EFNA1: variants seen among roughly 807,000 people sequenced by gnomAD.
EFNA1 encodes the protein ephrin-A1.
In EFNA1, 8 loss-of-function variants were observed where a neutral mutation model predicts 23.2. That is an observed-to-expected ratio of 0.34 (90% CI 0.20 to 0.62). The LOEUF is 0.62. EFNA1 is among the 20% of genes least tolerant of loss of function. EFNA1 has a pLI of 0.75. For synonymous variants in EFNA1, 89 were observed against 98.6 expected, an observed-to-expected ratio of 0.90 and a Z score of 0.58; for missense variants, 217 against 260.0, an observed-to-expected ratio of 0.83 and a Z score of 1.14.
chr1:155,129,489 G>A (rs989966295), intron 1 of EFNA1: 1 of 152,866 alleles, frequency 6.5e-6, no homozygotes. Flanking sequence ...CCCCAGGAGA[G>A]GGGGCTGATG....
Position 155,127,998 on chromosome 1 carries a change from T to A in EFNA1, c.21T>A (p.Pro7=), listed in dbSNP as rs1301821055. The A allele has an allele frequency of 6.2e-7, 1 of 1,613,266 alleles. No individual in the cohort carries two copies. The highest frequency in any genetic ancestry group is 1.3e-5 in the African/African-American group (1 of 74,926). MEFLWA[P]LLGLCCSLAA... ...GCGCTATGGAGTTCCTCTGGGCCCC[T>A]CTCTTGGGTCTGTGCTGCAGTCTGG... Residue 7 remains proline (P), a synonymous_variant, in exon 1 of 5, where the codon CCT becomes CCA. Coordinates refer to ENST00000368407, the MANE Select transcript of EFNA1 (RefSeq NM_004428.3). This position sits in a 1 kb window ranked among gnomAD's most constrained non-coding sequence, Gnocchi z 4.4.
intron 1 of EFNA1, among the ~76,000 whole-genome samples, chr1:155,130,341 G>T (rs1664205592): frequency 6.6e-6 from 1 of 152,080 alleles, no homozygotes; most frequent in Non-Finnish European, 1.5e-5. Flanking sequence ...CCCCTACTGG[G>T]ACCCCACCCA....
In EFNA1 at chr1:155,128,082, AC is replaced by A. The variant is rs773484195; in HGVS notation, c.92+14del. On this transcript the variant is annotated intron_variant, in intron 1 of 4. Coordinates refer to ENST00000368407, the MANE Select transcript of EFNA1 (RefSeq NM_004428.3). ...GTTCAAATCCCAAGTAAGCCTCGAGACTCCCGCTGGCAGCCTGGGCTCCCGG... is the reference window on the plus strand; with the variant it reads ...GTTCAAATCCCAAGTAAGCCTCGAGATCCCGCTGGCAGCCTGGGCTCCCGG... 2 of 1,611,626 alleles carry A rather than the reference AC, an allele frequency of 1.2e-6. No individual in the cohort carries two copies. Among genetic ancestry groups the A allele is most frequent in the Admixed American group, 3.3e-5 (2 of 59,912 alleles).
intron 2 of EFNA1, among the ~76,000 whole-genome samples, chr1:155,132,468 G>A (rs1046555499): frequency 6.6e-6 from 1 of 151,644 alleles, no homozygotes; most frequent in Admixed American, 6.6e-5. Flanking sequence ...GACTGGTCTC[G>A]AACTCCTGAC....
At chr1:155,131,667 T>C in intron 2 of EFNA1, 33 bp downstream of exon 2, 1 of 1,592,328 alleles carries the variant, frequency 6.3e-7, no homozygotes, top group Non-Finnish European at 8.6e-7. Context: ...TGTCTGTGTT[T>C]CTTTTTTGCC....
chr1:155,134,245 A>G lies in EFNA1; in HGVS notation c.*178A>G. On this transcript the variant is annotated 3_prime_UTR_variant, in exon 5 of 5. Transcript: ENST00000368407. ...AGTATTAAGGTTTTCAACCGGAAGGAGGCCAACCAGCCCGACAGTGCCATC... is the reference window on the plus strand; with the variant it reads ...AGTATTAAGGTTTTCAACCGGAAGGGGGCCAACCAGCCCGACAGTGCCATC... The G allele has an allele frequency of 1.6e-6, 1 of 630,774 alleles. No homozygotes were observed. Among genetic ancestry groups the G allele is most frequent in the Non-Finnish European group, 2.8e-6 (1 of 359,506 alleles). 39.1% of individuals were successfully genotyped at this position (630,774 alleles called of 1,614,324 possible). A position where few individuals can be genotyped will look rare whatever the true frequency, so the allele number is the denominator to read the frequency against.
intron 4 of EFNA1, 48 bp downstream of exon 4, chr1:155,133,828 T>C: frequency 6.2e-7 from 1 of 1,611,858 alleles, no homozygotes; most frequent in East Asian, 2.2e-5. Flanking sequence ...AGGGGTCTGC[T>C]TGAAGAGGTT....
Position 155,134,014 on chromosome 1 carries a change from C to T in EFNA1, c.565C>T (p.Pro189Ser). 1 of 1,614,194 alleles carries T rather than the reference C, an allele frequency of 6.2e-7. No homozygotes were observed. Among genetic ancestry groups the T allele is most frequent in the South Asian group, 1.1e-5 (1 of 91,086 alleles). The change falls in exon 5 of 5, where the codon CCA becomes TCA. Residue 189 changes from proline (P) to serine (S), a missense_variant. By Grantham distance (74) the Pro-to-Ser change is moderately conservative (BLOSUM62 -1). Transcript: ENST00000368407. Reference protein sequence around the residue: ...IGHSAAPRLFPLAWTVLLLPL... With the variant: ...IGHSAAPRLFSLAWTVLLLPL... Reference sequence around the variant, plus strand: ...TCACAGTGCTGCCCCACGCCTCTTCCCACTTGCCTGGACTGTGCTGCTCCT... The same window carrying T: ...TCACAGTGCTGCCCCACGCCTCTTCTCACTTGCCTGGACTGTGCTGCTCCT...
intron 1 of EFNA1, chr1:155,130,966 C>G (rs1664228867): frequency 1.0e-6 from 1 of 985,184 alleles, no homozygotes; most frequent in Admixed American, 6.2e-5. Context: ...AAAGGAGCAA[C>G]TGGTAGAACA....
rs368201439 is a variant in EFNA1 at position 155,127,951 on chromosome 1, C to T, written c.-27C>T. Reference sequence around the variant, plus strand: ...CCAGACCCATAGGAGACCCGCGTCCCCGCTCGGCCTGGCCAGGCCCCGCGC... The same window carrying T: ...CCAGACCCATAGGAGACCCGCGTCCTCGCTCGGCCTGGCCAGGCCCCGCGC... On this transcript the variant is annotated 5_prime_UTR_variant, in exon 1 of 5. Coordinates refer to ENST00000368407, the MANE Select transcript of EFNA1 (RefSeq NM_004428.3). This position sits in a 1 kb window ranked among gnomAD's most constrained non-coding sequence, Gnocchi z 4.4. 2.0e-4 allele frequency: 324 copies of T among 1,602,018 alleles called. 6 individuals carry two copies. The South Asian group carries it at 3.3e-3, about 16-fold the overall frequency.
intron 2 of EFNA1, among the ~76,000 whole-genome samples, chr1:155,132,941 C>T (rs1025693254): frequency 1.3e-5 from 2 of 151,708 alleles, no homozygotes; most frequent in Non-Finnish European, 2.9e-5. Context: ...GACAGAGTCT[C>T]GCTCTGTCGC....
intron 1 of EFNA1, among the ~76,000 whole-genome samples, chr1:155,130,308 C>T (rs559709017): frequency 8.9e-4 from 136 of 152,258 alleles, no homozygotes; most frequent in African/African-American, 3.2e-3. Context: ...GACCAGCTTG[C>T]GGGGTCGGGG....
intron 1 of EFNA1, chr1:155,131,070 G>A (rs1011296018): frequency 7.9e-7 from 1 of 1,272,296 alleles, no homozygotes; most frequent in African/African-American, 1.5e-5. Flanking sequence ...TATCAGGGGG[G>A]TTATGGAAAA....
At position 155,130,660 on chromosome 1, in the gene EFNA1, A is replaced by G; in HGVS notation, c.93-679A>G. ...AAAAGGAGACCAGTGTATAACTTTG[A>G]GTAGCTAGAACGGGAAGATTTGAGG... On this transcript the variant is annotated intron_variant, in intron 1 of 4. Coordinates refer to ENST00000368407, the MANE Select transcript of EFNA1 (RefSeq NM_004428.3). 5.1e-6 allele frequency: 5 copies of G among 985,320 alleles called. No homozygotes were observed. In the South Asian group the frequency reaches 2.3e-4, roughly 46 times the overall value. 61.0% of individuals were successfully genotyped at this position (985,320 alleles called of 1,614,324 possible). A position where few individuals can be genotyped will look rare whatever the true frequency, so the allele number is the denominator to read the frequency against.
intron 1 of EFNA1, 137 bp downstream of exon 1, chr1:155,128,206 C>T: frequency 1.4e-6 from 1 of 727,794 alleles, no homozygotes; most frequent in Admixed American, 2.3e-5. Flanking sequence ...TTTTCCTCCC[C>T]TCACTTCTCC....
chr1:155,132,724 A>G (rs1664266653), intron 2 of EFNA1, among the ~76,000 whole-genome samples: 1 of 151,458 alleles, frequency 6.6e-6, no homozygotes, highest in Non-Finnish European at 1.5e-5. Context: ...CAGCTACTCA[A>G]TAGGCTGAGG....
At chr1:155,133,135 T>C (rs1664275173) in intron 2 of EFNA1, among the ~76,000 whole-genome samples, 1 of 152,072 alleles carries the variant, frequency 6.6e-6, no homozygotes, top group Non-Finnish European at 1.5e-5. Context: ...GGTCTCGAAC[T>C]CCTGACCTCG....
At position 155,134,358 on chromosome 1, in the gene EFNA1, C is replaced by T; in HGVS notation, c.*291C>T. ...CTTTAAGCCAAAGAAACAAGCTGTGCAGGCATGGTCCCTTAAGGCACAGTG... is the reference window on the plus strand; with the variant it reads ...CTTTAAGCCAAAGAAACAAGCTGTGTAGGCATGGTCCCTTAAGGCACAGTG... On this transcript the variant is annotated 3_prime_UTR_variant, in exon 5 of 5. Transcript: ENST00000368407. 1 of 459,628 alleles carries T rather than the reference C, an allele frequency of 2.2e-6. No individual in the cohort carries two copies. Among genetic ancestry groups the T allele is most frequent in the Non-Finnish European group, 4.0e-6 (1 of 247,390 alleles). 28.5% of individuals were successfully genotyped at this position (459,628 alleles called of 1,614,324 possible).
chr1:155,133,108 A>T (rs1156337344), intron 2 of EFNA1, among the ~76,000 whole-genome samples: 1 of 151,824 alleles, frequency 6.6e-6, no homozygotes, highest in Non-Finnish European at 1.5e-5. Context: ...ACGGGGTTTC[A>T]CCATATTGGC....
Sources: gnomAD v4.1 joint callset for allele counts (sites outside exome capture counted in the v4.1 genomes callset) on GRCh38, gnomAD v4.1.1 for gene constraint, Gnocchi (gnomAD v3.1) non-coding constraint, MANE v1.5 for transcripts, NCBI Gene and HGNC (gene_info 2026-07-23, HGNC 2026-07-21) for gene names.